Variants in OSTN observed in about 807,000 individuals in gnomAD.
OSTN encodes the protein osteocrin.
In OSTN, 9 loss-of-function variants were observed where a neutral mutation model predicts 12.0. The observed-to-expected ratio is 0.75, with a 90% CI of 0.45 to 1.30. The LOEUF (loss-of-function observed/expected upper bound fraction) is 1.30. OSTN is among the 50% of genes most tolerant of loss of function. OSTN has a pLI of 0.00. For synonymous variants in OSTN, 59 were observed against 56.9 expected (o/e 1.04, Z -0.16); for missense variants, 148 against 152.3 (o/e 0.97, Z 0.15).
rs575332839 is a variant in OSTN, at chr3:191,241,167, C to CTTTTTTTT, written c.318-8848_318-8841dup. 4.9e-3 allele frequency among the ~76,000 whole-genome samples: 228 copies of CTTTTTTTT among 46,448 alleles called. 66 individuals are homozygous for CTTTTTTTT. The highest frequency in any genetic ancestry group is 7.0e-3 in the African/African-American group (132 of 18,934). The allele number at this position is 46,448 out of a possible 152,430, so 30.5% of individuals were successfully genotyped here. A position where few individuals can be genotyped will look rare whatever the true frequency, so the allele number is the denominator to read the frequency against. On this transcript the variant is annotated intron_variant, in intron 3 of 4. Transcript: ENST00000682035. ...AAGTTGGTGGAGCTCTGTGCCTTGA[C>CTTTTTTTT]TTTTTTTTTTTTTTTTTTTTTTTTT... is the stretch of plus-strand genomic sequence containing the variant.
chr3:191,260,393 T>A (rs1715779993), intron 4 of OSTN, among the ~76,000 whole-genome samples: 1 of 152,020 alleles, frequency 6.6e-6, no homozygotes, highest in Admixed American at 6.6e-5. Context: ...ACCAAAAATC[T>A]CACTCCCGGA....
chr3:191,215,695 T>C (rs1194198230), intron 2 of OSTN, among the ~76,000 whole-genome samples: 1 of 152,158 alleles, frequency 6.6e-6, no homozygotes, highest in Non-Finnish European at 1.5e-5. Flanking sequence ...TCCAAAACCA[T>C]TTCCTTTGAC....
chr3:191,206,549 A>G (rs540779574), intron 1 of OSTN, among the ~76,000 whole-genome samples: 174 of 152,330 alleles, frequency 1.1e-3, no homozygotes, highest in Non-Finnish European at 1.5e-3. Flanking sequence ...CTAAATCTGC[A>G]CTATTCTCAT....
intron 3 of OSTN, among the ~76,000 whole-genome samples, chr3:191,246,698 T>G (rs1715440826): frequency 1.6e-4 from 21 of 133,134 alleles, no homozygotes; most frequent in South Asian, 7.4e-4. Context: ...AAGAGGAGGA[T>G]GAAAAGGAAG....
At chr3:191,201,132 CTTCT>C (rs1453353241) in intron 1 of OSTN, among the ~76,000 whole-genome samples, 1 of 152,064 alleles carries the variant, frequency 6.6e-6, no homozygotes, top group African/African-American at 2.4e-5. Context: ...AGCTCTTTCT[CTTCT>C]TTCTTCAGAT....
intron 1 of OSTN, among the ~76,000 whole-genome samples, chr3:191,207,888 C>T (rs1714318821): frequency 6.6e-6 from 1 of 152,162 alleles, no homozygotes; most frequent in African/African-American, 2.4e-5. Context: ...TTGAAAGATC[C>T]TTTCAGGGTA....
chr3:191,214,315 G>C (rs890315834), intron 2 of OSTN, among the ~76,000 whole-genome samples: 2 of 151,758 alleles, frequency 1.3e-5, no homozygotes, highest in African/African-American at 4.8e-5. Flanking sequence ...GGGGGTAGTG[G>C]TGGGCGCCTG....
intron 1 of OSTN, among the ~76,000 whole-genome samples, chr3:191,208,540 C>T (rs956483004): frequency 6.6e-6 from 1 of 152,118 alleles, no homozygotes; most frequent in Admixed American, 6.6e-5. Context: ...TCTCCTTATC[C>T]AAATAATCAG....
In OSTN at chr3:191,243,364, C is replaced by T. The variant is rs571645826; in HGVS notation, c.318-6673C>T. Among the ~76,000 whole-genome samples the T allele has an allele frequency of 2.6e-5, 4 of 152,184 alleles. No homozygotes were observed. The South Asian group carries it at 8.3e-4, about 32-fold the overall frequency. On this transcript the variant is annotated intron_variant, in intron 3 of 4. Coordinates refer to ENST00000682035, the MANE Select transcript of OSTN (RefSeq NM_198184.2). ...ACAGCTGAACAGTACATAACAACAA[C>T]AAGTAGAGGAAATACCTCAAATTTC...
intron 3 of OSTN, among the ~76,000 whole-genome samples, chr3:191,234,375 A>G (rs1374932303): frequency 2.6e-5 from 4 of 152,106 alleles, no homozygotes; most frequent in Non-Finnish European, 4.4e-5. Context: ...AAAGTCAGAG[A>G]GTCACAGAGT....
chr3:191,254,322 TTG>T (rs1234859065), intron 4 of OSTN, among the ~76,000 whole-genome samples: 3 of 152,258 alleles, frequency 2.0e-5, no homozygotes, highest in African/African-American at 7.2e-5. Context: ...TTATTCTGAA[TTG>T]TGTTACAAAA....
Position 191,248,935 on chromosome 3 carries a change from T to C in OSTN, c.318-1102T>C, listed in dbSNP as rs569369203. Among the ~76,000 whole-genome samples, 53 of 152,264 alleles carry C rather than the reference T, an allele frequency of 3.5e-4. 1 individual carries two copies. Among genetic ancestry groups the C allele is most frequent in the African/African-American group, 1.1e-3 (44 of 41,564 alleles). ...TCGTACTCCAGCAGAAATCCTTACA[T>C]TTGGTGGGAGAATAACCTTTTAAGT... On this transcript the variant is annotated intron_variant, in intron 3 of 4. Coordinates refer to ENST00000682035, the MANE Select transcript of OSTN (RefSeq NM_198184.2).
At chr3:191,241,124 CA>C (rs1715306953) in intron 3 of OSTN, among the ~76,000 whole-genome samples, 1 of 139,978 alleles carries the variant, frequency 7.1e-6, no homozygotes, top group East Asian at 2.2e-4. Context: ...TGTTTTCTCT[CA>C]TTTTGGATAG....
chr3:191,222,809 G>C (rs1402089414), intron 3 of OSTN, among the ~76,000 whole-genome samples: 3 of 151,996 alleles, frequency 2.0e-5, no homozygotes, highest in African/African-American at 7.3e-5. Context: ...TGAATCATGG[G>C]GGTGGCTACC....
intron 4 of OSTN, among the ~76,000 whole-genome samples, chr3:191,252,980 T>A (rs1382659490): frequency 1.3e-5 from 2 of 152,064 alleles, no homozygotes; most frequent in Non-Finnish European, 1.5e-5. Flanking sequence ...TTCAGGAAAA[T>A]GGAGCTGCAA....
At chr3:191,205,440 A>AAC (rs1714249566) in intron 1 of OSTN, among the ~76,000 whole-genome samples, 1 of 149,972 alleles carries the variant, frequency 6.7e-6, no homozygotes, top group East Asian at 2.1e-4. Flanking sequence ...TCAAGTAAAA[A>AAC]AAAATATATA....
Position 191,212,525 on chromosome 3 carries a change from A to G in OSTN, c.1-8A>G. The G allele has an allele frequency of 6.5e-7, 1 of 1,549,808 alleles. No homozygotes were observed. Among genetic ancestry groups the G allele is most frequent in the Non-Finnish European group, 8.8e-7 (1 of 1,135,490 alleles). On this transcript the variant is annotated splice_region_variant and splice_polypyrimidine_tract_variant and intron_variant, in intron 1 of 4. Transcript: ENST00000682035. ...ATCAATGCTAACTATGACATATGTA[A>G]CCCTTAGATGCTGGACTGGAGATTG...
At chr3:191,210,152 A>G (rs1714381710) in intron 1 of OSTN, among the ~76,000 whole-genome samples, 1 of 152,228 alleles carries the variant, frequency 6.6e-6, no homozygotes, top group Admixed American at 6.5e-5. Context: ...GAGCAGGAGG[A>G]AAAAGAGAGG....
At chr3:191,246,195 C>T (rs573792309) in intron 3 of OSTN, among the ~76,000 whole-genome samples, 45 of 152,142 alleles carry the variant, frequency 3.0e-4, no homozygotes, top group South Asian at 8.3e-4. Flanking sequence ...CTATTTCCTT[C>T]CCTTTCTTGT....
Sources: allele counts gnomAD v4.1 joint callset (sites outside exome capture counted in the v4.1 genomes callset), GRCh38; gene constraint gnomAD v4.1.1; transcripts MANE v1.5; gene names NCBI Gene and HGNC (gene_info 2026-07-23, HGNC 2026-07-21).